MANEAL: variants seen among roughly 807,000 people sequenced by gnomAD.
The protein encoded by MANEAL is mannosidase endo-alpha like.
Under a neutral mutation model 35.9 loss-of-function variants are expected in MANEAL, and 28 were observed. The observed-to-expected ratio is 0.78, with a 90% CI of 0.58 to 1.07. The LOEUF (loss-of-function observed/expected upper bound fraction) is 1.07, where lower values mean the gene tolerates loss of function less well. MANEAL is among the 50% of genes least tolerant of loss of function. The pLI is 0.00. For missense variants in MANEAL, 576 were observed against 629.6 expected, an observed-to-expected ratio of 0.91 and a Z score of 0.91; for synonymous variants, 286 against 272.2, an observed-to-expected ratio of 1.05 and a Z score of -0.50.
rs1646629896 is a variant in MANEAL, at chr1:37,794,735, G to A, written c.550+3G>A. 1.3e-6 allele frequency: 2 copies of A among 1,550,532 alleles called. No homozygotes were observed. Among genetic ancestry groups the A allele is most frequent in the African/African-American group, 1.4e-5 (1 of 73,566 alleles). On this transcript the variant is annotated splice_donor_region_variant and intron_variant, in intron 1 of 3. Transcript: ENST00000373045. This position sits in a 1 kb window ranked among gnomAD's most constrained non-coding sequence, Gnocchi z 5.7. The stretch of plus-strand genomic sequence containing the variant: ...CCAGCTCAAGGAAGCCGCCATCGGT[G>A]AGCGCCCCCCACCCCGGGCGGCCCT...
In MANEAL at chr1:37,794,306, C is replaced by T; in HGVS notation, c.124C>T (p.Leu42=). The T allele has an allele frequency of 1.7e-6, 2 of 1,182,602 alleles. No homozygotes were observed. Among genetic ancestry groups the T allele is most frequent in the Non-Finnish European group, 2.1e-6 (2 of 950,694 alleles). The allele number at this position is 1,182,602 out of a possible 1,614,324, so 73.3% of individuals were successfully genotyped here. The change falls in exon 1 of 4, where the codon CTG becomes TTG. Residue 42 remains leucine (L), a synonymous_variant. Coordinates refer to ENST00000373045, the MANE Select transcript of MANEAL (RefSeq NM_001113482.2). This position sits in a 1 kb window ranked among gnomAD's most constrained non-coding sequence, Gnocchi z 5.7. ...CGGACTCCCGGCGCTGGGCCCGGGC[C>T]TGGAGCTGGCGCCCTTTGAGCGACG... ...PDGLPALGPG[L]ELAPFERRPE... is the part of the protein sequence containing the mutation.
chr1:37,799,532 C>T lies in MANEAL; in HGVS notation c.738-35C>T, dbSNP rs1025223549. On this transcript the variant is annotated intron_variant, in intron 3 of 3. Transcript: ENST00000373045. The surrounding 1 kb of genome is among the most constrained non-coding windows in gnomAD (Gnocchi z 4.1). ...AGGTCCTACAGCTGTGCTGGTCTCTCCCATCCAGCTGAGGCTCTTCTTTCT... is the reference window on the plus strand; with the variant it reads ...AGGTCCTACAGCTGTGCTGGTCTCTTCCATCCAGCTGAGGCTCTTCTTTCT... 1 of 1,596,256 alleles carries T rather than the reference C, an allele frequency of 6.3e-7. No homozygotes were observed. The highest frequency in any genetic ancestry group is 1.7e-5 in the Admixed American group (1 of 58,840).
At chr1:37,797,495 G>A (rs1366906454) in intron 3 of MANEAL, among the ~76,000 whole-genome samples, 2 of 143,566 alleles carry the variant, frequency 1.4e-5, no homozygotes, top group Non-Finnish European at 3.0e-5. Context: ...TTTTGAGACA[G>A]AGTCTCACTC....
rs367975196 is a variant in MANEAL, at chr1:37,799,593, G to A, written c.764G>A (p.Arg255His). The A allele has an allele frequency of 1.9e-5, 30 of 1,613,820 alleles. No individual in the cohort carries two copies. Among genetic ancestry groups the A allele is most frequent in the African/African-American group, 2.7e-5 (2 of 75,022 alleles). The stretch of plus-strand genomic sequence containing the variant: ...TATGGCTCCCATGGTGCATTTTACC[G>A]CTATAAGAACAGCATGGGCAAGAGC... ...DTYGSHGAFYRYKNSMGKSLP... is the reference protein window; with the variant it reads ...DTYGSHGAFYHYKNSMGKSLP... Residue 255 changes from arginine to histidine, a missense_variant, in exon 4 of 4, where the codon CGC (arginine) becomes CAC (histidine). Physicochemically the swap from Arg to His is conservative, Grantham distance 29. Transcript: ENST00000373045. The surrounding 1 kb of genome is among the most constrained non-coding windows in gnomAD (Gnocchi z 4.1).
Position 37,794,871 on chromosome 1 carries a change from A to C in MANEAL, c.550+139A>C. The C allele has an allele frequency of 4.1e-5, 24 of 584,590 alleles. No individual in the cohort carries two copies. The highest frequency in any genetic ancestry group is 5.8e-5 in the East Asian group (2 of 34,526). 36.2% of individuals were successfully genotyped at this position (584,590 alleles called of 1,614,324 possible). A position where few individuals can be genotyped will look rare whatever the true frequency, so the allele number is the denominator to read the frequency against. ...CCTGGCTTCTTAGCTGTTCCCTCCC[A>C]CTCTCATCCTGGGCCCACCATGCGA... is the stretch of plus-strand genomic sequence containing the variant. On this transcript the variant is annotated intron_variant, in intron 1 of 3. Coordinates refer to ENST00000373045, the MANE Select transcript of MANEAL (RefSeq NM_001113482.2). The surrounding 1 kb of genome is among the most constrained non-coding windows in gnomAD (Gnocchi z 5.7).
Position 37,794,357 on chromosome 1 carries a change from G to C in MANEAL, c.175G>C (p.Ala59Pro), listed in dbSNP as rs1646624526. 1 of 1,068,148 alleles carries C rather than the reference G, an allele frequency of 9.4e-7. No individual in the cohort carries two copies. Among genetic ancestry groups the C allele is most frequent in the Non-Finnish European group, 1.1e-6 (1 of 883,680 alleles). The allele number at this position is 1,068,148 out of a possible 1,614,324, so 66.2% of individuals were successfully genotyped here. A position where few individuals can be genotyped will look rare whatever the true frequency, so the allele number is the denominator to read the frequency against. ...CCCAGAGGGGGCCCCCGCGCCCGCTGCCAGGGCCCCGGCAGCCCCTGCCGC... is the reference window on the plus strand; with the variant it reads ...CCCAGAGGGGGCCCCCGCGCCCGCTCCCAGGGCCCCGGCAGCCCCTGCCGC... ...RRPEGAPAPA[A>P]RAPAAPAAPP... The change falls in exon 1 of 4, where the codon GCC (alanine) becomes CCC (proline). Residue 59 changes from alanine (A) to proline (P), a missense_variant. Physicochemically the swap from Ala to Pro is conservative, Grantham distance 27. Coordinates refer to ENST00000373045, the MANE Select transcript of MANEAL (RefSeq NM_001113482.2). This position sits in a 1 kb window ranked among gnomAD's most constrained non-coding sequence, Gnocchi z 5.7.
Position 37,794,614 on chromosome 1 carries a change from C to T in MANEAL, c.432C>T (p.Gly144=). The T allele has an allele frequency of 6.2e-7, 1 of 1,611,284 alleles. No homozygotes were observed. The highest frequency in any genetic ancestry group is 1.1e-5 in the South Asian group (1 of 90,942). ...AGATCTCGGCCAGCTACCCCCGCGG[C>T]CGCCACAGCCCCCCAGACGACTTGG... ...DPKISASYPR[G]RHSPPDDLGS... The change falls in exon 1 of 4, where the codon GGC becomes GGT. Residue 144 remains glycine (G), a synonymous_variant. Transcript: ENST00000373045. The surrounding 1 kb of genome is among the most constrained non-coding windows in gnomAD (Gnocchi z 5.7).
chr1:37,799,816 T>C lies in MANEAL; in HGVS notation c.987T>C (p.Asn329=), dbSNP rs1173817232. The C allele has an allele frequency of 1.2e-6, 2 of 1,614,242 alleles. No individual in the cohort carries two copies. Among genetic ancestry groups the C allele is most frequent in the Non-Finnish European group, 8.5e-7 (1 of 1,180,046 alleles). Residue 329 remains asparagine, a synonymous_variant, in exon 4 of 4, where the codon AAT becomes AAC. Coordinates refer to ENST00000373045, the MANE Select transcript of MANEAL (RefSeq NM_001113482.2). The surrounding 1 kb of genome is among the most constrained non-coding windows in gnomAD (Gnocchi z 4.1). The part of the protein sequence containing the change: ...FDGMYTYFAS[N]GFSFGSSHQN... ...GCATGTACACCTACTTTGCCTCCAA[T>C]GGTTTCTCCTTTGGTTCTTCCCATC...
At position 37,794,604 on chromosome 1, in the gene MANEAL, A is replaced by T. The variant is rs1557572405; in HGVS notation, c.422A>T (p.Tyr141Phe). 6.2e-7 allele frequency: 1 copy of T among 1,609,808 alleles called. No homozygotes were observed. The highest frequency in any genetic ancestry group is 2.2e-5 in the East Asian group (1 of 44,772). Residue 141 changes from tyrosine (Y) to phenylalanine (F), a missense_variant, in exon 1 of 4, where the codon TAC becomes TTC. Tyr to Phe is a conservative substitution (Grantham distance 22, BLOSUM62 3). Around this residue, in one of 3 missense-constraint regions of MANEAL, gnomAD observed 449 missense variants for 516.1 expected, o/e 0.87. Coordinates refer to ENST00000373045, the MANE Select transcript of MANEAL (RefSeq NM_001113482.2). The surrounding 1 kb of genome is among the most constrained non-coding windows in gnomAD (Gnocchi z 5.7). ...PHWDPKISAS[Y>F]PRGRHSPPDD... ...TGGGACCCCAAGATCTCGGCCAGCT[A>T]CCCCCGCGGCCGCCACAGCCCCCCA... is the stretch of plus-strand genomic sequence containing the variant.
At chr1:37,797,407 A>C (rs1646654275) in intron 3 of MANEAL, among the ~76,000 whole-genome samples, 1 of 151,688 alleles carries the variant, frequency 6.6e-6, no homozygotes, top group African/African-American at 2.4e-5. Flanking sequence ...TCTCAAAAAT[A>C]AATAAATAAA....
chr1:37,795,673 G>GAA, intron 1 of MANEAL, 64 bp from the exon 2 acceptor site: 2 of 1,601,738 alleles, frequency 1.2e-6, no homozygotes, highest in Admixed American at 3.4e-5. Flanking sequence ...TGTTTGTGAG[G>GAA]AAAAAAATCT....
chr1:37,794,560 C>T lies in MANEAL; in HGVS notation c.378C>T (p.Asp126=), dbSNP rs1646627248. 6.2e-7 allele frequency: 1 copy of T among 1,611,830 alleles called. No individual in the cohort carries two copies. The highest frequency in any genetic ancestry group is 1.1e-5 in the South Asian group (1 of 91,044). ...PRREGHYIHW[D]HVMVPHWDPK... is the part of the protein sequence containing the mutation. ...GCGAGGGCCACTACATTCACTGGGA[C>T]CACGTCATGGTGCCGCACTGGGACC... Residue 126 remains aspartate, a synonymous_variant, in exon 1 of 4, where the codon GAC becomes GAT. Coordinates refer to ENST00000373045, the MANE Select transcript of MANEAL (RefSeq NM_001113482.2). This position sits in a 1 kb window ranked among gnomAD's most constrained non-coding sequence, Gnocchi z 5.7.
chr1:37,800,468 G>T lies in MANEAL; in HGVS notation c.*265G>T. 1.9e-6 allele frequency: 1 copy of T among 537,582 alleles called. No individual in the cohort carries two copies. Among genetic ancestry groups the T allele is most frequent in the East Asian group, 3.2e-5 (1 of 31,418 alleles). The allele number at this position is 537,582 out of a possible 1,614,324, so 33.3% of individuals were successfully genotyped here. A position where few individuals can be genotyped will look rare whatever the true frequency, so the allele number is the denominator to read the frequency against. On this transcript the variant is annotated 3_prime_UTR_variant, in exon 4 of 4. Transcript: ENST00000373045. Reference sequence around the variant, plus strand: ...AGCCCAGGGCAGCTCCACATCCTGGGAACACTTTCATGTAACCCCTTCTAG... The same window carrying T: ...AGCCCAGGGCAGCTCCACATCCTGGTAACACTTTCATGTAACCCCTTCTAG...
chr1:37,797,589 G>C (rs1646656369), intron 3 of MANEAL, among the ~76,000 whole-genome samples: 1 of 150,478 alleles, frequency 6.6e-6, no homozygotes, highest in Non-Finnish European at 1.5e-5. Context: ...TCCTGCCTCA[G>C]CCTCCTGAGT....
Position 37,796,808 on chromosome 1 carries a change from A to T in MANEAL, c.725A>T (p.Tyr242Phe). ...DDITVHDNIK[Y>F]IIDTYGSHGA... is the part of the protein sequence containing the mutation. ...ATCACTGTACATGACAACATCAAGT[A>T]CATCATTGACACGTAAGGCTGCTCT... The change falls in exon 3 of 4, where the codon TAC becomes TTC. Residue 242 changes from tyrosine to phenylalanine, a missense_variant. This residue lies in a region of MANEAL where 449 missense variants were observed against 516.1 expected (regional missense o/e 0.87). Transcript: ENST00000373045. 9 of 1,610,216 alleles carry T rather than the reference A, an allele frequency of 5.6e-6. No homozygotes were observed. The highest frequency in any genetic ancestry group is 7.6e-6 in the Non-Finnish European group (9 of 1,178,232).
In MANEAL at chr1:37,794,003, G is replaced by C; in HGVS notation, c.-180G>C. 2 of 211,990 alleles carry C rather than the reference G, an allele frequency of 9.4e-6. No homozygotes were observed. Among genetic ancestry groups the C allele is most frequent in the Non-Finnish European group, 1.7e-5 (2 of 117,478 alleles). 13.1% of individuals were successfully genotyped at this position (211,990 alleles called of 1,614,324 possible). A position where few individuals can be genotyped will look rare whatever the true frequency, so the allele number is the denominator to read the frequency against. On this transcript the variant is annotated 5_prime_UTR_variant, in exon 1 of 4. Transcript: ENST00000373045. This position sits in a 1 kb window ranked among gnomAD's most constrained non-coding sequence, Gnocchi z 5.7. ...GTTCCCCCTCGGCTCGCGGCCACTT[G>C]GTCCGCGCCGCCTGCGTCCTGTGTG...
chr1:37,797,996 A>C (rs981486514), intron 3 of MANEAL, among the ~76,000 whole-genome samples: 2 of 151,762 alleles, frequency 1.3e-5, no homozygotes, highest in Non-Finnish European at 2.9e-5. Flanking sequence ...CTGAAAAAAA[A>C]AATTAGCTGG....
chr1:37,799,870 T>A lies in MANEAL; in HGVS notation c.1041T>A (p.Cys347Ter). 6.2e-7 allele frequency: 1 copy of A among 1,614,272 alleles called. No individual in the cohort carries two copies. Among genetic ancestry groups the A allele is most frequent in the Non-Finnish European group, 8.5e-7 (1 of 1,180,042 alleles). ...ACTGGAAAGCTGTGAAGAACTTTTG[T>A]GATGCCAACAACCTCATGTTCATCC... is the stretch of plus-strand genomic sequence containing the variant. ...HQNWKAVKNF[C>*]DANNLMFIPS... is the part of the protein sequence containing the mutation. The change falls in exon 4 of 4, where the codon TGT (cysteine) becomes TGA (stop). Residue 347 changes from cysteine (C) to a stop codon, truncating the protein, a stop_gained. Transcript: ENST00000373045. LOFTEE classifies it high-confidence loss of function. This position sits in a 1 kb window ranked among gnomAD's most constrained non-coding sequence, Gnocchi z 4.1.
Position 37,794,686 on chromosome 1 carries a change from C to T in MANEAL, c.504C>T (p.Pro168=). 1.2e-6 allele frequency: 2 copies of T among 1,606,660 alleles called. No homozygotes were observed. The highest frequency in any genetic ancestry group is 1.7e-6 in the Non-Finnish European group (2 of 1,177,430). The part of the protein sequence containing the change: ...PELGPYSSRD[P]EVLREHMTQL... ...TGGGGCCCTACAGCTCCCGGGACCC[C>T]GAAGTGCTGCGGGAGCATATGACCC... The change falls in exon 1 of 4, where the codon CCC becomes CCT. Residue 168 remains proline, a synonymous_variant. Coordinates refer to ENST00000373045, the MANE Select transcript of MANEAL (RefSeq NM_001113482.2). This position sits in a 1 kb window ranked among gnomAD's most constrained non-coding sequence, Gnocchi z 5.7.
Sources: gnomAD v4.1 joint callset for allele counts (sites outside exome capture counted in the v4.1 genomes callset) on GRCh38, gnomAD v4.1.1 for gene constraint, gnomAD v4.1.1 regional missense constraint, Gnocchi (gnomAD v3.1) non-coding constraint, MANE v1.5 for transcripts, NCBI Gene and HGNC (gene_info 2026-07-23, HGNC 2026-07-21) for gene names.